VPS35L: variants seen among roughly 807,000 people sequenced by gnomAD.
VPS35L encodes the protein VPS35 endosomal protein sorting factor like, also known as VPS35 endosomal protein-sorting factor-like.
Under a neutral mutation model 133.0 loss-of-function variants are expected in VPS35L, and 83 were observed. The observed-to-expected ratio is 0.62, with a 90% CI of 0.52 to 0.75. VPS35L has a LOEUF of 0.75. Ranked by LOEUF, VPS35L falls within the 30% of genes least tolerant of loss-of-function variation. The pLI, the probability that VPS35L is intolerant of heterozygous loss-of-function variation, is 0.00. For synonymous variants in VPS35L, 423 were observed against 449.9 expected, an observed-to-expected ratio of 0.94 and a Z score of 0.76; for missense variants, 1,083 against 1,206.8, an observed-to-expected ratio of 0.90 and a Z score of 1.52.
intron 2 of VPS35L, among the ~76,000 whole-genome samples, chr16:19,566,487 C>G (rs148549808): frequency 2.4e-4 from 37 of 152,220 alleles, no homozygotes; most frequent in African/African-American, 7.5e-4. Context: ...CAGAGAGAAA[C>G]TCCATCTCAA....
intron 4 of VPS35L, among the ~76,000 whole-genome samples, chr16:19,574,633 G>A (rs1468529099): frequency 6.6e-6 from 1 of 151,668 alleles, no homozygotes; most frequent in African/African-American, 2.4e-5. Flanking sequence ...AGTTAACTTA[G>A]AGCAGTGATT....
chr16:19,684,136 A>T lies in VPS35L; in HGVS notation c.2527+1746A>T, dbSNP rs114415764. ...CTTGTCTGGGTGCTCTGGAGGAAGGAGGTGGCCTTGATCACCTGCTACCAG... is the reference window on the plus strand; with the variant it reads ...CTTGTCTGGGTGCTCTGGAGGAAGGTGGTGGCCTTGATCACCTGCTACCAG... On this transcript the variant is annotated intron_variant, in intron 28 of 30. Transcript: ENST00000417362. Among the ~76,000 whole-genome samples, 703 of 152,244 alleles carry T rather than the reference A, an allele frequency of 4.6e-3. 8 individuals are homozygous for T. Among genetic ancestry groups the T allele is most frequent in the African/African-American group, 0.015 (633 of 41,548 alleles).
intron 19 of VPS35L, among the ~76,000 whole-genome samples, chr16:19,635,442 G>C (rs1973594502): frequency 6.6e-6 from 1 of 152,140 alleles, no homozygotes. Context: ...ACAGACGGAA[G>C]AACTTGTGAA....
In VPS35L at chr16:19,699,223, G is replaced by C. The variant is rs925179087; in HGVS notation, c.2647-279G>C. On this transcript the variant is annotated intron_variant, in intron 29 of 30. Transcript: ENST00000417362. The surrounding 1 kb of genome is among the most constrained non-coding windows in gnomAD (Gnocchi z 4.2). ...CTTCATTCCTCGACCTCACTGACTGGTGAGTTTCTTCCATTTCATGAGTAA... is the reference window on the plus strand; with the variant it reads ...CTTCATTCCTCGACCTCACTGACTGCTGAGTTTCTTCCATTTCATGAGTAA... 6.6e-6 allele frequency among the ~76,000 whole-genome samples: 1 copy of C among 152,204 alleles called. No homozygotes were observed. Among genetic ancestry groups the C allele is most frequent in the Non-Finnish European group, 1.5e-5 (1 of 68,034 alleles).
intron 7 of VPS35L, among the ~76,000 whole-genome samples, chr16:19,585,424 T>C (rs1971833441): frequency 6.7e-6 from 1 of 149,264 alleles, no homozygotes; most frequent in Admixed American, 6.8e-5. Flanking sequence ...TTTTTTTTTT[T>C]GAGACAGGGT....
intron 14 of VPS35L, among the ~76,000 whole-genome samples, chr16:19,620,081 C>A (rs916093295): frequency 1.3e-5 from 2 of 152,034 alleles, no homozygotes; most frequent in African/African-American, 4.8e-5. Context: ...AATTGAAATC[C>A]AAGGTAAAAA....
At chr16:19,680,924 T>TA (rs1204888110) in intron 27 of VPS35L, among the ~76,000 whole-genome samples, 107 of 80,768 alleles carry the variant, frequency 1.3e-3, no homozygotes, top group African/African-American at 6.0e-3. Flanking sequence ...GCCCCCCCCC[T>TA]AAAAAAACAG....
Position 19,575,088 on chromosome 16 carries a change from G to C in VPS35L, c.409-10G>C. 1 of 1,597,562 alleles carries C rather than the reference G, an allele frequency of 6.3e-7. No homozygotes were observed. The highest frequency in any genetic ancestry group is 8.5e-7 in the Non-Finnish European group (1 of 1,170,556). On this transcript the variant is annotated splice_polypyrimidine_tract_variant and intron_variant, in intron 4 of 30. Coordinates refer to ENST00000417362, the MANE Select transcript of VPS35L (RefSeq NM_020314.7). The stretch of plus-strand genomic sequence containing the variant: ...TTTTTAAAATATTAATGAATTTTAT[G>C]TCTCTGCAGAATCTGTTTATGGGAT...
intron 7 of VPS35L, among the ~76,000 whole-genome samples, chr16:19,590,933 C>T (rs181130045): frequency 2.1e-4 from 32 of 151,908 alleles, no homozygotes; most frequent in Non-Finnish European, 2.8e-4. Context: ...CCAGCCCGAG[C>T]GACAGAGCAA....
intron 18 of VPS35L, among the ~76,000 whole-genome samples, chr16:19,632,374 A>G (rs1336701347): frequency 6.6e-6 from 1 of 152,124 alleles, no homozygotes; most frequent in African/African-American, 2.4e-5. Context: ...AGGCTTCTCC[A>G]TTGCAATAGA....
rs533794249 is a variant in VPS35L, at chr16:19,616,882, C to T, written c.1224+74C>T. On this transcript the variant is annotated intron_variant, in intron 14 of 30. Coordinates refer to ENST00000417362, the MANE Select transcript of VPS35L (RefSeq NM_020314.7). ...AGCCCCTGCCCACTGTGCCCTTTAA[C>T]GTTAATGGGACCCTTTCATAACAGC... 44 of 1,591,410 alleles carry T rather than the reference C, an allele frequency of 2.8e-5. 1 individual carries two copies. In the South Asian group the frequency reaches 3.6e-4, roughly 13 times the overall value.
chr16:19,621,331 G>T (rs568225931), intron 14 of VPS35L, among the ~76,000 whole-genome samples: 1 of 152,184 alleles, frequency 6.6e-6, no homozygotes, highest in South Asian at 2.1e-4. Context: ...AAGTTGGGAG[G>T]GGGGGACATT....
chr16:19,613,040 C>T (rs1453245215), intron 12 of VPS35L, among the ~76,000 whole-genome samples: 3 of 152,168 alleles, frequency 2.0e-5, no homozygotes, highest in Non-Finnish European at 4.4e-5. Flanking sequence ...GTGGCTCATG[C>T]CTGTAATCCC....
intron 26 of VPS35L, among the ~76,000 whole-genome samples, chr16:19,661,762 C>T (rs1597405940): frequency 6.6e-6 from 1 of 152,172 alleles, no homozygotes; most frequent in Non-Finnish European, 1.5e-5. Flanking sequence ...GGTGCTGTGC[C>T]TTACACATAC....
intron 11 of VPS35L, among the ~76,000 whole-genome samples, chr16:19,609,728 G>A (rs1377165255): frequency 6.6e-6 from 1 of 152,168 alleles, no homozygotes; most frequent in African/African-American, 2.4e-5. Flanking sequence ...TTTATCTCAA[G>A]TGTGTTGGAT....
intron 26 of VPS35L, among the ~76,000 whole-genome samples, chr16:19,664,928 T>C (rs1247616080): frequency 6.6e-6 from 1 of 150,870 alleles, no homozygotes; most frequent in African/African-American, 2.4e-5. Context: ...AAAACATGAA[T>C]GTCCCATGAA....
intron 9 of VPS35L, among the ~76,000 whole-genome samples, chr16:19,607,033 C>T (rs538923588): frequency 6.6e-6 from 1 of 152,322 alleles, no homozygotes; most frequent in South Asian, 2.1e-4. Flanking sequence ...AAATCATTTC[C>T]ATGTGAGAGG....
At chr16:19,675,078 G>A (rs61498115) in intron 27 of VPS35L, among the ~76,000 whole-genome samples, 1 of 151,250 alleles carries the variant, frequency 6.6e-6, no homozygotes, top group Non-Finnish European at 1.5e-5. Context: ...CAGCCTCTTT[G>A]AATAGTTGGG....
chr16:19,636,525 G>A (rs1449255816), intron 19 of VPS35L, among the ~76,000 whole-genome samples: 3 of 152,154 alleles, frequency 2.0e-5, no homozygotes, highest in Admixed American at 1.3e-4. Flanking sequence ...GCATTGCAGT[G>A]TCTTACAATG....
Sources: allele counts gnomAD v4.1 joint callset (sites outside exome capture counted in the v4.1 genomes callset), GRCh38; gene constraint gnomAD v4.1.1; non-coding constraint Gnocchi (gnomAD v3.1); transcripts MANE v1.5; gene names NCBI Gene and HGNC (gene_info 2026-07-23, HGNC 2026-07-21).